The following COPG2 variants were observed in gnomAD, a reference collection of about 807,000 sequenced individuals.
COPG2 encodes the protein coat protein complex I subunit gamma 2, also known as coatomer subunit gamma-2.
COPG2 carries 37 observed loss-of-function variants against 46.3 expected under a neutral mutation model. The observed-to-expected ratio is 0.80, with a 90% CI of 0.61 to 1.05. The LOEUF is 1.05. COPG2 is among the 50% of genes least tolerant of loss of function. The probability of loss-of-function intolerance (pLI) is 0.00; values close to 1 mark genes in which losing one functional copy is unlikely to be tolerated. For missense variants in COPG2, 427 were observed against 387.8 expected, an observed-to-expected ratio of 1.10 and a Z score of -0.85; for synonymous variants, 159 against 129.7, an observed-to-expected ratio of 1.23 and a Z score of -1.53.
intron 5 of COPG2, among the ~76,000 whole-genome samples, chr7:130,642,307 A>T (rs569319987): frequency 6.6e-6 from 1 of 152,208 alleles, no homozygotes; most frequent in Admixed American, 6.5e-5. Flanking sequence ...ATTATGCTAA[A>T]TCAGTTTTGG....
At chr7:130,602,068 A>T (rs1452116092) in intron 9 of COPG2, among the ~76,000 whole-genome samples, 10 of 152,198 alleles carry the variant, frequency 6.6e-5, no homozygotes, top group African/African-American at 2.4e-4. Context: ...CGAGGGAGGG[A>T]CCTTGAATCA....
intron 5 of COPG2, among the ~76,000 whole-genome samples, chr7:130,624,883 T>C (rs1345515851): frequency 1.3e-5 from 2 of 152,208 alleles, no homozygotes; most frequent in African/African-American, 4.8e-5. Context: ...TGCATGTGCA[T>C]GTGTCTTTTT....
rs1302045608 is a variant in COPG2, at chr7:130,658,548, T to TA, written c.243+4418dup. On this transcript the variant is annotated intron_variant, in intron 4 of 23. Transcript: ENST00000425248. Reference sequence around the variant, plus strand: ...ATTTTACCGCATGTAAAACTACACTTAAAAAAAAAATAATAGTCCAGTAAA... The same window carrying TA: ...ATTTTACCGCATGTAAAACTACACTTAAAAAAAAAAATAATAGTCCAGTAAA... 2.1e-3 allele frequency among the ~76,000 whole-genome samples: 310 copies of TA among 149,096 alleles called. 2 individuals are homozygous for TA. Among genetic ancestry groups the TA allele is most frequent in the African/African-American group, 6.9e-3 (280 of 40,770 alleles).
chr7:130,552,507 A>G (rs1293789889), intron 14 of COPG2, 77 bp from the exon 15 acceptor site: 3 of 397,270 alleles, frequency 7.6e-6, no homozygotes, highest in African/African-American at 6.2e-5. Flanking sequence ...AAAAAAAATT[A>G]GAAAAGTGTC....
chr7:130,613,361 C>A (rs983892162), intron 7 of COPG2, among the ~76,000 whole-genome samples, 183 bp downstream of exon 7: 1 of 152,206 alleles, frequency 6.6e-6, no homozygotes, highest in Admixed American at 6.5e-5. Flanking sequence ...GGTCACAGAC[C>A]AGTACTGGTC....
At chr7:130,579,529 C>A (rs1489964851) in intron 9 of COPG2, among the ~76,000 whole-genome samples, 1 of 151,828 alleles carries the variant, frequency 6.6e-6, no homozygotes, top group Non-Finnish European at 1.5e-5. Context: ...GGACTAAATG[C>A]TCCAATTAAA....
intron 5 of COPG2, chr7:130,645,371 A>G (rs1310358822): frequency 5.4e-6 from 3 of 554,074 alleles, no homozygotes; most frequent in African/African-American, 3.8e-5. Context: ...AGGTATAGAC[A>G]TCTGCCCTCC....
At chr7:130,645,445 T>C (rs10273539) in intron 5 of COPG2, 37,768 of 377,094 alleles carry the variant, frequency 0.1, 4,227 homozygotes, top group African/African-American at 0.38. Context: ...GCGAAGATGA[T>C]GTCTTTCTCC....
intron 5 of COPG2, among the ~76,000 whole-genome samples, chr7:130,650,730 G>A (rs6973221): frequency 0.021 from 3,217 of 152,234 alleles, 90 homozygotes; most frequent in African/African-American, 0.065. Flanking sequence ...AAATTGCCTT[G>A]GGAAAAGATA....
intron 9 of COPG2, among the ~76,000 whole-genome samples, chr7:130,586,694 C>A (rs939401579): frequency 1.3e-5 from 2 of 151,896 alleles, no homozygotes; most frequent in African/African-American, 4.8e-5. Context: ...GATCTCCTGA[C>A]GTCGTCATCT....
intron 4 of COPG2, among the ~76,000 whole-genome samples, chr7:130,661,138 T>C (rs1795969707): frequency 6.6e-6 from 1 of 152,222 alleles, no homozygotes; most frequent in African/African-American, 2.4e-5. Context: ...TATCGAACAA[T>C]CCTACATTTC....
intron 9 of COPG2, chr7:130,610,407 T>G (rs987756619): frequency 5.3e-6 from 2 of 376,522 alleles, no homozygotes; most frequent in Non-Finnish European, 1.0e-5. Context: ...AAGAAATCTT[T>G]GTTTTAGAGC....
intron 18 of COPG2, among the ~76,000 whole-genome samples, chr7:130,549,050 A>AG (rs1793492595): frequency 6.6e-6 from 1 of 151,972 alleles, no homozygotes; most frequent in African/African-American, 2.4e-5. Flanking sequence ...AAGCAAAAAA[A>AG]AAAAAAAAGA....
At chr7:130,662,334 A>G (rs1427720726) in intron 4 of COPG2, among the ~76,000 whole-genome samples, 1 of 152,208 alleles carries the variant, frequency 6.6e-6, no homozygotes, top group Non-Finnish European at 1.5e-5. Flanking sequence ...TGCAATACAT[A>G]CCAAAAAACT....
At chr7:130,545,035 G>A (rs1409449634) in intron 20 of COPG2, among the ~76,000 whole-genome samples, 1 of 152,148 alleles carries the variant, frequency 6.6e-6, no homozygotes, top group African/African-American at 2.4e-5. Flanking sequence ...CTTTCTGGAA[G>A]AGATTAGAGG....
At chr7:130,607,469 A>C in intron 9 of COPG2, 1 of 442,020 alleles carries the variant, frequency 2.3e-6, no homozygotes, top group South Asian at 1.7e-5. Context: ...TACTGTAAAG[A>C]CTCTAGAACT....
chr7:130,599,234 A>T (rs1794586772), intron 9 of COPG2, among the ~76,000 whole-genome samples: 1 of 151,814 alleles, frequency 6.6e-6, no homozygotes, highest in African/African-American at 2.4e-5. Context: ...AGTATAGAAA[A>T]CTCCAGGCAG....
At chr7:130,528,041 A>G (rs896939153) in intron 20 of COPG2, among the ~76,000 whole-genome samples, 198 of 152,226 alleles carry the variant, frequency 1.3e-3, no homozygotes, top group Middle Eastern at 3.4e-3. Flanking sequence ...AGCGTGGAAG[A>G]AGAGCGTCTT....
chr7:130,507,036 A>G lies in COPG2; in HGVS notation c.2486-230T>C, dbSNP rs557085342. Reference sequence around the variant, plus strand: ...CAAAAATACCAATTTGGAGTACTCAAAAGGAATGTTGGTGGTGGCCTTGGT... The same window carrying G: ...CAAAAATACCAATTTGGAGTACTCAGAAGGAATGTTGGTGGTGGCCTTGGT... On this transcript the variant is annotated intron_variant, in intron 23 of 23. Coordinates refer to ENST00000425248, the MANE Select transcript of COPG2 (RefSeq NM_012133.6). Among the ~76,000 whole-genome samples, 3 of 152,336 alleles carry G rather than the reference A, an allele frequency of 2.0e-5. No homozygotes were observed. The South Asian group carries it at 6.2e-4, about 32-fold the overall frequency.
Sources: gnomAD v4.1 joint callset for allele counts (sites outside exome capture counted in the v4.1 genomes callset) on GRCh38, gnomAD v4.1.1 for gene constraint, MANE v1.5 for transcripts, NCBI Gene and HGNC (gene_info 2026-07-23, HGNC 2026-07-21) for gene names.